SFXN2: variants seen among roughly 807,000 people sequenced by gnomAD.
SFXN2 encodes the protein sideroflexin-2.
Under a neutral mutation model 41.9 loss-of-function variants are expected in SFXN2, and 37 were observed. The ratio of observed to expected loss-of-function variants is 0.88; its 90% CI spans 0.68 to 1.16. SFXN2 has a LOEUF of 1.16. Ranked by LOEUF, SFXN2 falls within the 50% of genes most tolerant of loss-of-function variation. SFXN2 has a pLI of 0.00. For synonymous variants in SFXN2, 150 were observed against 156.7 expected (o/e 0.96, Z 0.32); for missense variants, 386 against 425.2 (o/e 0.91, Z 0.81).
At chr10:102,720,465 G>A (rs1441986100) in intron 1 of SFXN2, among the ~76,000 whole-genome samples, 4 of 151,824 alleles carry the variant, frequency 2.6e-5, no homozygotes, top group African/African-American at 9.7e-5. Context: ...AAAACTAGCC[G>A]GGCATGTTGG....
Position 102,728,127 on chromosome 10 carries a change from C to T in SFXN2, c.333-304C>T, listed in dbSNP as rs776000698. Among the ~76,000 whole-genome samples, 248 of 152,106 alleles carry T rather than the reference C, an allele frequency of 1.6e-3. 1 individual carries two copies. Among genetic ancestry groups the T allele is most frequent in the Admixed American group, 3.6e-3 (55 of 15,276 alleles). On this transcript the variant is annotated intron_variant, in intron 3 of 11. Coordinates refer to ENST00000369893, the MANE Select transcript of SFXN2 (RefSeq NM_178858.6). ...CAGCCTGACCAATATGGTGAAACCC[C>T]GTCTCTACTAAAAATACAAAAATTA...
intron 6 of SFXN2, among the ~76,000 whole-genome samples, chr10:102,730,929 A>G (rs763004171): frequency 3.3e-5 from 5 of 152,202 alleles, no homozygotes; most frequent in African/African-American, 4.8e-5. Context: ...CTACTAAAAA[A>G]TACAAAAAAT....
rs761424035 is a variant in SFXN2 at position 102,726,657 on chromosome 10, CTTTAACA to C, written c.23_29del (p.Phe8SerfsTer15). On this transcript the variant is annotated frameshift_variant, in exon 2 of 12. Coordinates refer to ENST00000369893, the MANE Select transcript of SFXN2 (RefSeq NM_178858.6). LOFTEE classifies it high-confidence loss of function. ...GCAAGATGGAGGCTGACCTGTCTGG[CTTTAACA>C]TCGATGCCCCCCGTTGGGACCAGCG... The C allele has an allele frequency of 1.5e-5, 24 of 1,614,096 alleles. No individual in the cohort carries two copies. Among genetic ancestry groups the C allele is most frequent in the Non-Finnish European group, 1.8e-5 (21 of 1,180,048 alleles).
chr10:102,723,777 G>A (rs2064547395), intron 1 of SFXN2, among the ~76,000 whole-genome samples: 1 of 152,292 alleles, frequency 6.6e-6, no homozygotes, highest in South Asian at 2.1e-4. Flanking sequence ...GAGGATCTGA[G>A]TCCAAGCCCT....
chr10:102,717,424 G>A (rs1030640701), intron 1 of SFXN2, among the ~76,000 whole-genome samples: 3 of 152,128 alleles, frequency 2.0e-5, no homozygotes, highest in Non-Finnish European at 2.9e-5. Context: ...CACTGCGCCC[G>A]GCCTCAAGCT....
intron 5 of SFXN2, 162 bp downstream of exon 5, chr10:102,729,556 T>C: frequency 9.3e-7 from 1 of 1,075,710 alleles, no homozygotes; most frequent in Non-Finnish European, 1.3e-6. Context: ...GTCCCCAGGT[T>C]GGTTCTTCTT....
At chr10:102,731,158 T>C (rs1474283461) in intron 6 of SFXN2, among the ~76,000 whole-genome samples, 3 of 148,148 alleles carry the variant, frequency 2.0e-5, no homozygotes, top group Non-Finnish European at 4.4e-5. Flanking sequence ...TTCTAGCTAC[T>C]GGGGAGGTTG....
rs1284969778 is a variant in SFXN2 at position 102,729,368 on chromosome 10, G to T, written c.481G>T (p.Ala161Ser). 2 of 1,614,164 alleles carry T rather than the reference G, an allele frequency of 1.2e-6. No individual in the cohort carries two copies. Among genetic ancestry groups the T allele is most frequent in the Admixed American group, 1.7e-5 (1 of 60,024 alleles). ...FTATTTAVAT[A>S]VGMNMLTKKA... ...AGCCACAACCACTGCTGTGGCCACG[G>T]CTGTGGGCATGAACATGTTGACAAA... is the stretch of plus-strand genomic sequence containing the variant. Residue 161 changes from alanine (A) to serine (S), a missense_variant, in exon 5 of 12, where the codon GCT becomes TCT. By Grantham distance (99) the Ala-to-Ser change is moderately conservative. Coordinates refer to ENST00000369893, the MANE Select transcript of SFXN2 (RefSeq NM_178858.6).
chr10:102,729,222 C>A (rs138448296), intron 4 of SFXN2, 97 bp from the exon 5 acceptor site: 2 of 1,150,218 alleles, frequency 1.7e-6, no homozygotes, highest in Admixed American at 3.7e-5. Flanking sequence ...GCGGTTTTCA[C>A]GCACGAAGCC....
At position 102,742,025 on chromosome 10, in the gene SFXN2, C is replaced by A. The variant is rs1842792568; in HGVS notation, c.*4263C>A. ...ATTTTTCCAACACTTAAGCCAAGAA[C>A]AACTTCCTCTGGGCTCAGATGTGGG... On this transcript the variant is annotated 3_prime_UTR_variant, in exon 12 of 12. Transcript: ENST00000369893. The A allele has an allele frequency of 6.6e-6, 1 of 152,240 alleles. No homozygotes were observed. The highest frequency in any genetic ancestry group is 1.5e-5 in the Non-Finnish European group (1 of 68,054). The allele number at this position is 152,240 out of a possible 1,614,324, so 9.4% of individuals were successfully genotyped here.
chr10:102,729,226 C>A, intron 4 of SFXN2, 93 bp from the exon 5 acceptor site: 1 of 1,225,710 alleles, frequency 8.2e-7, no homozygotes, highest in Non-Finnish European at 1.2e-6. Context: ...TTTTCACGCA[C>A]GAAGCCTCGC....
intron 1 of SFXN2, among the ~76,000 whole-genome samples, chr10:102,722,642 G>A (rs1317567631): frequency 6.6e-6 from 1 of 151,870 alleles, no homozygotes; most frequent in African/African-American, 2.4e-5. Context: ...CCAGACTCAA[G>A]CAGTCCCCGC....
At chr10:102,717,674 G>A (rs2136023187) in intron 1 of SFXN2, 1 of 818,896 alleles carries the variant, frequency 1.2e-6, no homozygotes, top group South Asian at 5.6e-5. Flanking sequence ...CTTCATGAAA[G>A]AAAGCGTGCT....
intron 1 of SFXN2, among the ~76,000 whole-genome samples, chr10:102,720,027 C>T (rs190721508): frequency 5.3e-5 from 8 of 152,236 alleles, no homozygotes; most frequent in Middle Eastern, 6.8e-3. Context: ...TGGTGGCTCA[C>T]GCCTGTAATC....
rs989902693 is a variant in SFXN2 at position 102,735,859 on chromosome 10, C to A, written c.822-3C>A. On this transcript the variant is annotated splice_polypyrimidine_tract_variant and splice_region_variant and intron_variant, in intron 10 of 11. Coordinates refer to ENST00000369893, the MANE Select transcript of SFXN2 (RefSeq NM_178858.6). The stretch of plus-strand genomic sequence containing the variant: ...TGATGCTTTGGTTTCTCCTTTCTTG[C>A]AGCCTCATCTTCATGGTGCCAGTGG... The A allele has an allele frequency of 4.3e-6, 7 of 1,614,100 alleles. No homozygotes were observed. The highest frequency in any genetic ancestry group is 5.9e-6 in the Non-Finnish European group (7 of 1,179,962).
At chr10:102,736,440 T>G (rs1291556407) in intron 11 of SFXN2, among the ~76,000 whole-genome samples, 8 of 149,754 alleles carry the variant, frequency 5.3e-5, no homozygotes, top group Non-Finnish European at 1.2e-4. Flanking sequence ...TTTTTTTTTT[T>G]GAGATGGAGT....
At chr10:102,728,820 GT>G (rs1372003780) in intron 4 of SFXN2, among the ~76,000 whole-genome samples, 1 of 152,080 alleles carries the variant, frequency 6.6e-6, no homozygotes, top group Non-Finnish European at 1.5e-5. Context: ...AAGACATGTG[GT>G]TGGGCCAGGC....
chr10:102,733,695 C>T (rs1277999857), intron 10 of SFXN2, 92 bp downstream of exon 10: 2 of 1,041,928 alleles, frequency 1.9e-6, no homozygotes, highest in African/African-American at 1.6e-5. Flanking sequence ...AACGTGTACT[C>T]CTTTACCTGA....
In SFXN2 at chr10:102,728,510, G is replaced by A. The variant is rs778614592; in HGVS notation, c.412G>A (p.Ala138Thr). Residue 138 changes from alanine to threonine, a missense_variant, in exon 4 of 12, where the codon GCT (alanine) becomes ACT (threonine). Physicochemically the swap from Ala to Thr is moderately conservative, Grantham distance 58 (BLOSUM62 0). Transcript: ENST00000369893. ...ALVNYTNRNA[A>T]SPTSVRQMAL... ...AGTCAACTACACCAACAGGAATGCG[G>A]CTTCCCCCACATCAGTCAGGTAGGA... The A allele has an allele frequency of 5.6e-6, 9 of 1,613,674 alleles. No individual in the cohort carries two copies. In the East Asian group the frequency reaches 1.8e-4, roughly 32 times the overall value.
Sources: gnomAD v4.1 joint callset for allele counts (sites outside exome capture counted in the v4.1 genomes callset) on GRCh38, gnomAD v4.1.1 for gene constraint, MANE v1.5 for transcripts, NCBI Gene and HGNC (gene_info 2026-07-23, HGNC 2026-07-21) for gene names.